Variants in TEX11 observed in about 807,000 individuals in gnomAD.
TEX11 encodes testis expressed 11.
A neutral mutation model predicts 84.4 loss-of-function variants in TEX11; 7 were observed. The ratio of observed to expected loss-of-function variants is 0.08; its 90% CI spans 0.05 to 0.16. The LOEUF (loss-of-function observed/expected upper bound fraction) is 0.16, where lower values mean the gene tolerates loss of function less well. Among genes scored for constraint, TEX11 ranks in the 10% least tolerant of loss-of-function variants. The pLI is 1.00. For missense variants in TEX11, 551 were observed against 660.5 expected (o/e 0.83, Z 1.82); for synonymous variants, 264 against 222.8 (o/e 1.18, Z -1.64).
chrX:70,647,629 G>A (rs1204682821), intron 17 of TEX11, among the ~76,000 whole-genome samples: 1 of 106,318 alleles, frequency 9.4e-6, no homozygotes, highest in African/African-American at 3.5e-5. Context: ...TCATTCCACT[G>A]CACTTCCACT....
intron 25 of TEX11, among the ~76,000 whole-genome samples, chrX:70,587,021 G>T (rs140656338): frequency 0.01 from 1,174 of 112,348 alleles, 13 homozygotes; most frequent in African/African-American, 0.036. Flanking sequence ...CTCTTGCTAT[G>T]CTTTAGCAAA....
chrX:70,862,790 C>G (rs774776834), intron 4 of TEX11, among the ~76,000 whole-genome samples: 1 of 107,886 alleles, frequency 9.3e-6, no homozygotes, highest in South Asian at 4.2e-4. Flanking sequence ...TGGTGCATAC[C>G]TGTAATCCCA....
At chrX:70,817,630 G>A (rs948724738) in intron 8 of TEX11, among the ~76,000 whole-genome samples, 1 of 110,753 alleles carries the variant, frequency 9.0e-6, no homozygotes, top group Admixed American at 9.7e-5. Flanking sequence ...GTTGCAGTGA[G>A]CCAAGATCAT....
chrX:70,652,375 G>A (rs755227960), intron 16 of TEX11, among the ~76,000 whole-genome samples: 4 of 111,197 alleles, frequency 3.6e-5, no homozygotes, highest in African/African-American at 1.3e-4. Flanking sequence ...AAGCACACTC[G>A]GAAACAAGGT....
rs147598604 is a variant in TEX11, at chrX:70,778,620, A to G, written c.692+28085T>C. 3.8e-3 allele frequency among the ~76,000 whole-genome samples: 416 copies of G among 108,829 alleles called. 2 individuals carry two copies. The highest frequency in any genetic ancestry group is 0.01 in the African/African-American group (295 of 28,799). 94.5% of individuals were successfully genotyped at this position (108,829 alleles called of 115,157 possible). A position where few individuals can be genotyped will look rare whatever the true frequency, so the allele number is the denominator to read the frequency against. ...CAGATGCAGGCTACCACACCAGGCT[A>G]TGTTTTGTTTGTTTGTTTGTTTGTT... On this transcript the variant is annotated intron_variant, in intron 9 of 29. Transcript: ENST00000374333.
At chrX:70,832,986 T>C (rs1017053623) in intron 8 of TEX11, among the ~76,000 whole-genome samples, 1 of 111,921 alleles carries the variant, frequency 8.9e-6, no homozygotes, top group South Asian at 3.7e-4. Flanking sequence ...ATATTCCATA[T>C]CAGCCAGGTG....
intron 5 of TEX11, among the ~76,000 whole-genome samples, chrX:70,860,557 C>T (rs943857231): frequency 4.5e-5 from 5 of 110,973 alleles, no homozygotes; most frequent in African/African-American, 1.3e-4. Flanking sequence ...ATTACCATTC[C>T]CTTAGATGAA....
chrX:70,654,433 G>A (rs748019149), intron 16 of TEX11, among the ~76,000 whole-genome samples: 15 of 110,795 alleles, frequency 1.4e-4, no homozygotes, highest in Admixed American at 2.9e-4. Flanking sequence ...AATAGAAGCC[G>A]GGCACGGTGG....
intron 25 of TEX11, among the ~76,000 whole-genome samples, chrX:70,567,136 G>A (rs1209086208): frequency 1.8e-5 from 2 of 110,721 alleles, no homozygotes; most frequent in Admixed American, 1.9e-4. Context: ...GTCTTGGGAG[G>A]GTGTATGTGT....
chrX:70,777,260 T>C (rs1453135501), intron 9 of TEX11, among the ~76,000 whole-genome samples: 1 of 111,532 alleles, frequency 9.0e-6, no homozygotes, highest in Non-Finnish European at 1.9e-5. Context: ...ATACAAAATA[T>C]GATGTAAACT....
chrX:70,663,052 T>A (rs929536546), intron 16 of TEX11, among the ~76,000 whole-genome samples: 4 of 111,769 alleles, frequency 3.6e-5, no homozygotes, highest in African/African-American at 1.3e-4. Flanking sequence ...TTGCAAGGGT[T>A]CCTTTAGTTT....
At chrX:70,611,906 C>T (rs1468439894) in intron 20 of TEX11, among the ~76,000 whole-genome samples, 3 of 111,348 alleles carry the variant, frequency 2.7e-5, no homozygotes, top group Non-Finnish European at 3.8e-5. Flanking sequence ...GATGCCAAGG[C>T]GGGAGGATTG....
chrX:70,622,458 A>G (rs1444959503), intron 20 of TEX11, among the ~76,000 whole-genome samples: 2 of 112,043 alleles, frequency 1.8e-5, no homozygotes, highest in Admixed American at 9.5e-5. Context: ...GTATGCCACA[A>G]TTATGAGAAA....
At chrX:70,526,747 AC>A (rs1323192744), downstream of TEX11, among the ~76,000 whole-genome samples, 1 of 110,793 alleles carries the variant, frequency 9.0e-6, no homozygotes, top group South Asian at 4.0e-4. Context: ...CAATGAGTAC[AC>A]CTCTAGGACC....
the TEX11 span, among the ~76,000 whole-genome samples, chrX:70,511,610 A>G: frequency 0.18 from 18,424 of 105,171 alleles, 2,680 homozygotes; most frequent in African/African-American, 0.38. Context: ...AAAATTAGCC[A>G]GATGTGGTGG....
intron 4 of TEX11, among the ~76,000 whole-genome samples, chrX:70,869,063 A>AAAAT (rs2091615753): frequency 1.1e-5 from 1 of 92,698 alleles, no homozygotes; most frequent in Non-Finnish European, 2.1e-5. Flanking sequence ...AAAATAAAAT[A>AAAAT]AAATAAAATA....
chrX:70,724,318 A>G (rs2090583116), intron 12 of TEX11: 6 of 563,037 alleles, frequency 1.1e-5, no homozygotes, highest in Non-Finnish European at 1.3e-5. Context: ...AGAATCCCCA[A>G]TACATTTGAG....
chrX:70,716,826 G>A (rs896398997), intron 13 of TEX11, among the ~76,000 whole-genome samples: 10 of 111,830 alleles, frequency 8.9e-5, no homozygotes, highest in South Asian at 3.7e-4. Flanking sequence ...AGATGCACCC[G>A]GTACCTCAGT....
At chrX:70,661,449 G>C (rs1380450642) in intron 16 of TEX11, among the ~76,000 whole-genome samples, 1 of 112,580 alleles carries the variant, frequency 8.9e-6, no homozygotes, top group Non-Finnish European at 1.9e-5. Context: ...ACCTCTGGGG[G>C]CAGGGCATAG....
Sources: allele counts gnomAD v4.1 joint callset (sites outside exome capture counted in the v4.1 genomes callset), GRCh38; gene constraint gnomAD v4.1.1; transcripts MANE v1.5; gene names NCBI Gene and HGNC (gene_info 2026-07-23, HGNC 2026-07-21).